The following TTI1 variants were observed in gnomAD, a reference collection of about 807,000 sequenced individuals.
TTI1 encodes TELO2-interacting protein 1 homolog.
In TTI1, 52 loss-of-function variants were observed where a neutral mutation model predicts 85.4. That is an observed-to-expected ratio of 0.61 (90% CI 0.49 to 0.77). The LOEUF is 0.77. TTI1 is among the 30% of genes least tolerant of loss of function. The pLI, the probability that TTI1 is intolerant of heterozygous loss-of-function variation, is 0.00. For synonymous variants in TTI1, 512 were observed against 503.9 expected (o/e 1.02, Z -0.22); for missense variants, 1,173 against 1,296.0 (o/e 0.91, Z 1.46).
At chr20:38,017,305 C>A (rs977551917) in intron 1 of TTI1, among the ~76,000 whole-genome samples, 2 of 151,984 alleles carry the variant, frequency 1.3e-5, no homozygotes, top group Non-Finnish European at 2.9e-5. Flanking sequence ...AAATAAATTA[C>A]AAAAATCATT....
At chr20:38,025,317 C>T (rs1007388658) in intron 1 of TTI1, among the ~76,000 whole-genome samples, 8 of 152,080 alleles carry the variant, frequency 5.3e-5, no homozygotes, top group South Asian at 2.1e-4. Context: ...ACCTGTAACC[C>T]GAGCACTTTG....
At chr20:38,010,189 G>A (rs80156458) in intron 2 of TTI1, among the ~76,000 whole-genome samples, 2,067 of 152,276 alleles carry the variant, frequency 0.014, 125 homozygotes, top group Admixed American at 0.1. Context: ...ACAAACACTG[G>A]AAATGGCATT....
At chr20:38,024,264 A>G (rs2073808150) in intron 1 of TTI1, among the ~76,000 whole-genome samples, 1 of 152,246 alleles carries the variant, frequency 6.6e-6, no homozygotes, top group South Asian at 2.1e-4. Flanking sequence ...AAATATTAAT[A>G]TAAACAAAAA....
intron 4 of TTI1, among the ~76,000 whole-genome samples, chr20:38,001,068 A>G (rs542492736): frequency 1.3e-5 from 2 of 152,296 alleles, no homozygotes; most frequent in African/African-American, 4.8e-5. Flanking sequence ...TCCAATATGT[A>G]TGAGTCTGTG....
rs2073598175 is a variant in TTI1, at chr20:38,011,903, T to C, written c.1914A>G (p.Ala638=). The C allele has an allele frequency of 1.9e-6, 3 of 1,614,098 alleles. No homozygotes were observed. Among genetic ancestry groups the C allele is most frequent in the Non-Finnish European group, 2.5e-6 (3 of 1,180,050 alleles). Residue 638 remains alanine, a synonymous_variant, in exon 2 of 8, where the codon GCA becomes GCG. Transcript: ENST00000373447. ...AACAGAAGTCTTTTCCTAGTGCATATGCAAACTGGCCAATTCCTTCCAACT... is the reference window on the plus strand; with the variant it reads ...AACAGAAGTCTTTTCCTAGTGCATACGCAAACTGGCCAATTCCTTCCAACT... ...CIQLEGIGQF[A]YALGKDFCLL...
chr20:37,992,345 G>A (rs1392499718), intron 7 of TTI1, among the ~76,000 whole-genome samples: 2 of 151,922 alleles, frequency 1.3e-5, no homozygotes, highest in Non-Finnish European at 2.9e-5. Flanking sequence ...GTGTGATCAC[G>A]GCTCACTATG....
chr20:38,018,492 GT>G (rs1180086072), intron 1 of TTI1, among the ~76,000 whole-genome samples: 1 of 152,096 alleles, frequency 6.6e-6, no homozygotes, highest in Non-Finnish European at 1.5e-5. Context: ...AATAAAAGAC[GT>G]GAATAAATGA....
intron 3 of TTI1, among the ~76,000 whole-genome samples, chr20:38,003,880 A>G (rs950540416): frequency 6.6e-5 from 10 of 152,064 alleles, no homozygotes; most frequent in African/African-American, 2.4e-4. Context: ...TCCTTTGATT[A>G]AAAGGGGGGT....
intron 5 of TTI1, among the ~76,000 whole-genome samples, chr20:37,997,913 C>A (rs926552046): frequency 4.6e-5 from 7 of 152,102 alleles, no homozygotes; most frequent in Non-Finnish European, 8.8e-5. Context: ...AGCAATACCA[C>A]CTCCCTCTCC....
intron 1 of TTI1, among the ~76,000 whole-genome samples, chr20:38,028,537 A>G (rs996793937): frequency 1.4e-4 from 22 of 152,214 alleles, no homozygotes; most frequent in Non-Finnish European, 3.1e-4. Flanking sequence ...CTAAAAGGAG[A>G]AACAAATTCA....
chr20:38,015,536 G>A (rs1291250980), intron 1 of TTI1, among the ~76,000 whole-genome samples: 1 of 152,088 alleles, frequency 6.6e-6, no homozygotes, highest in Non-Finnish European at 1.5e-5. Flanking sequence ...AAAGAGAATT[G>A]CTTAATGGGA....
chr20:38,001,752 CTT>C (rs1190264116), intron 4 of TTI1, among the ~76,000 whole-genome samples: 2 of 151,940 alleles, frequency 1.3e-5, no homozygotes, highest in African/African-American at 4.8e-5. Context: ...AAGTTTCACT[CTT>C]GTTACTCAGG....
chr20:38,006,525 G>A (rs967642291), intron 2 of TTI1, 128 bp from the exon 3 acceptor site: 32 of 982,346 alleles, frequency 3.3e-5, no homozygotes, highest in Admixed American at 9.8e-5. Context: ...CTGGCTCCCC[G>A]GCCTCCCAGT....
At chr20:37,987,559 T>A (rs1600599679) in intron 7 of TTI1, 3 of 359,418 alleles carry the variant, frequency 8.3e-6, no homozygotes, top group African/African-American at 2.1e-5. Flanking sequence ...CAAGAGATTA[T>A]CTGGTCCCCA....
intron 6 of TTI1, 84 bp downstream of exon 6, chr20:37,996,665 G>C: frequency 1.3e-6 from 2 of 1,491,852 alleles, no homozygotes; most frequent in Non-Finnish European, 1.8e-6. Flanking sequence ...GAGGGGAGGG[G>C]GGCACGACTG....
Position 37,999,261 on chromosome 20 carries a change from G to A in TTI1, c.2720C>T (p.Ala907Val). 6.5e-7 allele frequency: 1 copy of A among 1,530,748 alleles called. No homozygotes were observed. The highest frequency in any genetic ancestry group is 8.8e-7 in the Non-Finnish European group (1 of 1,136,564). The allele number at this position is 1,530,748 out of a possible 1,614,324, so 94.8% of individuals were successfully genotyped here. ...AACGAGCGAGGGCCAGGCCTGATGAGCCAAGGGAAGCAGCTGGTTTTTGTG... is the reference window on the plus strand; with the variant it reads ...AACGAGCGAGGGCCAGGCCTGATGAACCAAGGGAAGCAGCTGGTTTTTGTG... ...QSHKNQLLPL[A>V]HQAWPSLVHR... Residue 907 changes from alanine (A) to valine (V), a missense_variant, in exon 5 of 8, where the codon GCT (alanine) becomes GTT (valine). Physicochemically the swap from Ala to Val is moderately conservative, Grantham distance 64. Transcript: ENST00000373447.
chr20:37,996,650 G>A, intron 6 of TTI1, 99 bp downstream of exon 6: 1 of 1,420,096 alleles, frequency 7.0e-7, no homozygotes, highest in Non-Finnish European at 9.7e-7. Flanking sequence ...GAGGTACACA[G>A]AGGGGAGGGG....
chr20:37,999,269 A>G lies in TTI1; in HGVS notation c.2712T>C (p.Leu904=). Residue 904 remains leucine, a synonymous_variant, in exon 5 of 8, where the codon CTT becomes CTC. Transcript: ENST00000373447. The part of the protein sequence containing the change: ...VVLQSHKNQL[L]PLAHQAWPSL... ...AGGGCCAGGCCTGATGAGCCAAGGG[A>G]AGCAGCTGGTTTTTGTGGGACTGAA... The G allele has an allele frequency of 6.5e-7, 1 of 1,529,734 alleles. No homozygotes were observed. Among genetic ancestry groups the G allele is most frequent in the Non-Finnish European group, 8.8e-7 (1 of 1,136,132 alleles). The allele number at this position is 1,529,734 out of a possible 1,614,324, so 94.8% of individuals were successfully genotyped here.
chr20:38,010,226 C>T (rs73096501), intron 2 of TTI1, among the ~76,000 whole-genome samples: 501 of 152,302 alleles, frequency 3.3e-3, no homozygotes, highest in Middle Eastern at 6.8e-3. Context: ...ACTGTCCCTG[C>T]CCCAGTTACC....
Sources: allele counts gnomAD v4.1 joint callset (sites outside exome capture counted in the v4.1 genomes callset), GRCh38; gene constraint gnomAD v4.1.1; transcripts MANE v1.5; gene names NCBI Gene and HGNC (gene_info 2026-07-23, HGNC 2026-07-21).